STMND1: variants seen among roughly 807,000 people sequenced by gnomAD.
The protein encoded by STMND1 is stathmin domain containing 1.
A neutral mutation model predicts 23.0 loss-of-function variants in STMND1; 17 were observed. That is an observed-to-expected ratio of 0.74 (90% confidence interval 0.51 to 1.11). The LOEUF is 1.11. STMND1 is among the 50% of genes least tolerant of loss of function. The probability of loss-of-function intolerance (pLI) is 0.00; values close to 1 mark genes in which losing one functional copy is unlikely to be tolerated. For missense variants in STMND1, 305 were observed against 329.1 expected, an observed-to-expected ratio of 0.93 and a Z score of 0.57; for synonymous variants, 114 against 119.9, an observed-to-expected ratio of 0.95 and a Z score of 0.32.
At chr6:17,102,464 C>A (rs981431613) in intron 1 of STMND1, 126 bp downstream of exon 1, 76 of 1,010,768 alleles carry the variant, frequency 7.5e-5, no homozygotes, top group Non-Finnish European at 2.0e-5. Flanking sequence ...GGCTAGTTAA[C>A]AGGTGGGAGC....
At chr6:17,113,055 C>T (rs780164424) in intron 1 of STMND1, among the ~76,000 whole-genome samples, 1 of 152,146 alleles carries the variant, frequency 6.6e-6, no homozygotes, top group African/African-American at 2.4e-5. Flanking sequence ...TGCTTATTGG[C>T]CAGTTCCAAT....
chr6:17,125,221 T>C (rs1761280784), intron 3 of STMND1, among the ~76,000 whole-genome samples: 1 of 151,902 alleles, frequency 6.6e-6, no homozygotes, highest in Non-Finnish European at 1.5e-5. Flanking sequence ...AAGGTAAGTA[T>C]CAGATTGTTG....
rs528310100 is a variant in STMND1, at chr6:17,109,471, G to A, written c.82-5491G>A. Among the ~76,000 whole-genome samples the A allele has an allele frequency of 5.3e-5, 8 of 152,242 alleles. No homozygotes were observed. The East Asian group carries it at 7.7e-4, about 15-fold the overall frequency. ...ACTTAGCCTCTGAGGAACTTCAAACGTTAGAGTAATTCCAGAAAGTGGTTA... is the reference window on the plus strand; with the variant it reads ...ACTTAGCCTCTGAGGAACTTCAAACATTAGAGTAATTCCAGAAAGTGGTTA... On this transcript the variant is annotated intron_variant, in intron 1 of 4. Transcript: ENST00000536551.
intron 2 of STMND1, among the ~76,000 whole-genome samples, chr6:17,116,805 CTTTT>C (rs1761167401): frequency 1.3e-5 from 2 of 152,114 alleles, no homozygotes; most frequent in African/African-American, 4.8e-5. Context: ...GTTTAAAAAA[CTTTT>C]TATTTTGTAT....
intron 1 of STMND1, among the ~76,000 whole-genome samples, chr6:17,113,123 G>A (rs1450518018): frequency 6.6e-6 from 1 of 152,214 alleles, no homozygotes; most frequent in Non-Finnish European, 1.5e-5. Flanking sequence ...TAAAATGTTA[G>A]TAGTGCTTCT....
Position 17,114,935 on chromosome 6 carries a change from T to A in STMND1, c.82-27T>A. On this transcript the variant is annotated intron_variant, in intron 1 of 4. Coordinates refer to ENST00000536551, the MANE Select transcript of STMND1 (RefSeq NM_001190766.2). ...TTTTTATTTACCAAGAAATCTTGAC[T>A]CTAACAAAACTGTTCCCTTTTCACA... is the stretch of plus-strand genomic sequence containing the variant. 2.0e-6 allele frequency: 3 copies of A among 1,488,782 alleles called. No homozygotes were observed. In the South Asian group the frequency reaches 3.9e-5, roughly 19 times the overall value. The allele number at this position is 1,488,782 out of a possible 1,614,324, so 92.2% of individuals were successfully genotyped here.
At chr6:17,104,306 A>G (rs1760987159) in intron 1 of STMND1, among the ~76,000 whole-genome samples, 1 of 152,198 alleles carries the variant, frequency 6.6e-6, no homozygotes, top group Admixed American at 6.5e-5. Flanking sequence ...CGCCCTTTTC[A>G]TACAAAAATC....
chr6:17,117,661 GT>G (rs1240282483), intron 2 of STMND1, among the ~76,000 whole-genome samples: 3 of 124,228 alleles, frequency 2.4e-5, no homozygotes, highest in Non-Finnish European at 5.1e-5. Context: ...TTGGATTTGG[GT>G]TACGCTTTTT....
At chr6:17,125,577 A>G (rs1159826250) in intron 3 of STMND1, among the ~76,000 whole-genome samples, 1 of 152,170 alleles carries the variant, frequency 6.6e-6, no homozygotes, top group Non-Finnish European at 1.5e-5. Context: ...ATTGCATAAG[A>G]GTCTCTACCA....
chr6:17,128,995 G>A, intron 3 of STMND1, 117 bp from the exon 4 acceptor site: 1 of 1,087,504 alleles, frequency 9.2e-7, no homozygotes, highest in South Asian at 1.7e-5. Flanking sequence ...TTACAGGCAT[G>A]AGCCACTGCA....
chr6:17,116,805 CTT>C (rs1761167401), intron 2 of STMND1, among the ~76,000 whole-genome samples: 1 of 152,114 alleles, frequency 6.6e-6, no homozygotes, highest in Non-Finnish European at 1.5e-5. Context: ...GTTTAAAAAA[CTT>C]TTTATTTTGT....
Position 17,130,488 on chromosome 6 carries a change from T to A in STMND1, c.544-106T>A, listed in dbSNP as rs150390448. ...TCTCAACAAATGTCTGTTATTTGAC[T>A]GAATGATGACATAGAGAAGCCATGA... On this transcript the variant is annotated intron_variant, in intron 4 of 4. Transcript: ENST00000536551. 1.5e-3 allele frequency: 1,302 copies of A among 883,720 alleles called. 13 individuals are homozygous for A. In the African/African-American group the frequency reaches 0.019, roughly 13 times the overall value. 54.7% of individuals were successfully genotyped at this position (883,720 alleles called of 1,614,324 possible). A position where few individuals can be genotyped will look rare whatever the true frequency, so the allele number is the denominator to read the frequency against.
intron 2 of STMND1, among the ~76,000 whole-genome samples, chr6:17,119,880 G>A (rs916138155): frequency 3.3e-5 from 5 of 152,204 alleles, no homozygotes; most frequent in African/African-American, 4.8e-5. Flanking sequence ...ACAGGCCAGC[G>A]CCGTTTATTT....
intron 1 of STMND1, among the ~76,000 whole-genome samples, chr6:17,105,161 G>A (rs936124403): frequency 6.6e-6 from 1 of 152,128 alleles, no homozygotes; most frequent in Non-Finnish European, 1.5e-5. Flanking sequence ...TTCTATAAAG[G>A]ACTTGAACAT....
chr6:17,123,077 C>G lies in STMND1; in HGVS notation c.411+2319C>G, dbSNP rs138292885. Among the ~76,000 whole-genome samples, 404 of 152,284 alleles carry G rather than the reference C, an allele frequency of 2.7e-3. 2 individuals carry two copies. Among genetic ancestry groups the G allele is most frequent in the Non-Finnish European group, 4.8e-3 (329 of 68,014 alleles). On this transcript the variant is annotated intron_variant, in intron 3 of 4. Coordinates refer to ENST00000536551, the MANE Select transcript of STMND1 (RefSeq NM_001190766.2). ...AGACACTTCGATGTCTACATACATA[C>G]ACCAGTAGGAATCACATTAAAACAT... is the stretch of plus-strand genomic sequence containing the variant.
intron 2 of STMND1, among the ~76,000 whole-genome samples, chr6:17,116,700 A>G (rs1009240067): frequency 6.6e-6 from 1 of 152,128 alleles, no homozygotes; most frequent in Non-Finnish European, 1.5e-5. Context: ...TCAGCCTCCC[A>G]AAGTGTTGAG....
At chr6:17,112,701 C>T (rs921395691) in intron 1 of STMND1, among the ~76,000 whole-genome samples, 2 of 151,938 alleles carry the variant, frequency 1.3e-5, no homozygotes, top group Admixed American at 6.6e-5. Context: ...GGCGTGAACC[C>T]GGGAGGCAGA....
At chr6:17,128,659 G>GT (rs1246107339) in intron 3 of STMND1, 2 of 152,350 alleles carry the variant, frequency 1.3e-5, no homozygotes, top group African/African-American at 2.4e-5. Flanking sequence ...TTTCACGTTG[G>GT]TTTTTTTAAT....
chr6:17,120,548 T>C, intron 2 of STMND1, 59 bp from the exon 3 acceptor site: 3 of 1,369,122 alleles, frequency 2.2e-6, no homozygotes, highest in Non-Finnish European at 2.9e-6. Flanking sequence ...TAGCATTTGA[T>C]TGAAAAAATC....
Sources: allele counts gnomAD v4.1 joint callset (sites outside exome capture counted in the v4.1 genomes callset), GRCh38; gene constraint gnomAD v4.1.1; transcripts MANE v1.5; gene names NCBI Gene and HGNC (gene_info 2026-07-23, HGNC 2026-07-21).